The following PRKAG2 variants were observed in gnomAD, a reference collection of about 807,000 sequenced individuals.
The protein encoded by PRKAG2 is 5'-AMP-activated protein kinase subunit gamma-2.
In PRKAG2, 26 loss-of-function variants were observed where a neutral mutation model predicts 69.6. The observed-to-expected ratio is 0.37, with a 90% confidence interval of 0.27 to 0.52. The LOEUF is 0.52. Among genes scored for constraint, PRKAG2 ranks in the 20% least tolerant of loss-of-function variants. The pLI, the probability that PRKAG2 is intolerant of heterozygous loss-of-function variation, is 0.90. For synonymous variants in PRKAG2, 293 were observed against 285.0 expected (o/e 1.03, Z -0.28); for missense variants, 557 against 740.0 (o/e 0.75, Z 2.87).
At chr7:151,661,620 A>G (rs759950654) in intron 4 of PRKAG2, among the ~76,000 whole-genome samples, 7 of 152,216 alleles carry the variant, frequency 4.6e-5, no homozygotes, top group Non-Finnish European at 8.8e-5. Context: ...TGAGCAGCTG[A>G]CATTCTTACT....
At chr7:151,723,857 G>C (rs780516613) in intron 3 of PRKAG2, among the ~76,000 whole-genome samples, 27 of 152,182 alleles carry the variant, frequency 1.8e-4, no homozygotes, top group Non-Finnish European at 3.1e-4. Context: ...ACTCCGTTCA[G>C]CATGGGCCAC....
intron 3 of PRKAG2, among the ~76,000 whole-genome samples, chr7:151,677,613 C>T (rs944992435): frequency 2.6e-5 from 4 of 152,214 alleles, no homozygotes; most frequent in Admixed American, 2.6e-4. Context: ...CTAGAGCTGC[C>T]TCCTTAAATA....
intron 1 of PRKAG2, among the ~76,000 whole-genome samples, chr7:151,853,209 T>C (rs2079620763): frequency 6.6e-6 from 1 of 152,040 alleles, no homozygotes; most frequent in African/African-American, 2.4e-5. Flanking sequence ...TGCTGTCCCA[T>C]AGGCGCAGCA....
intron 3 of PRKAG2, among the ~76,000 whole-genome samples, chr7:151,740,380 T>C (rs917925048): frequency 1.3e-5 from 2 of 152,214 alleles, no homozygotes; most frequent in Non-Finnish European, 1.5e-5. Flanking sequence ...ACCCTCTCCT[T>C]CATCCTTCAG....
intron 14 of PRKAG2, among the ~76,000 whole-genome samples, chr7:151,561,658 C>T (rs1469451069): frequency 2.0e-5 from 3 of 152,160 alleles, no homozygotes; most frequent in Non-Finnish European, 2.9e-5. Flanking sequence ...GATGGCCGGG[C>T]GCGATGGCTC....
chr7:151,834,543 A>G (rs1405201054), intron 1 of PRKAG2, among the ~76,000 whole-genome samples: 1 of 152,236 alleles, frequency 6.6e-6, no homozygotes, highest in Admixed American at 6.5e-5. Flanking sequence ...TGCACCGCAC[A>G]GCGCACCCTC....
At chr7:151,837,113 G>A (rs1218180871) in intron 1 of PRKAG2, among the ~76,000 whole-genome samples, 3 of 152,346 alleles carry the variant, frequency 2.0e-5, no homozygotes, top group East Asian at 3.9e-4. Flanking sequence ...CACCGTACAG[G>A]AGCGGTGGGG....
intron 3 of PRKAG2, among the ~76,000 whole-genome samples, chr7:151,747,330 G>A (rs2074344067): frequency 6.6e-6 from 1 of 152,236 alleles, no homozygotes; most frequent in Admixed American, 6.5e-5. Flanking sequence ...GCCGAGGTGG[G>A]TGGATCACCT....
intron 5 of PRKAG2, among the ~76,000 whole-genome samples, chr7:151,602,403 C>T (rs1038758846): frequency 3.3e-5 from 5 of 152,022 alleles, no homozygotes; most frequent in African/African-American, 1.2e-4. Context: ...ACATATTATA[C>T]ATGTTAGTAT....
chr7:151,802,741 G>A (rs1232679540), intron 1 of PRKAG2, among the ~76,000 whole-genome samples: 1 of 151,946 alleles, frequency 6.6e-6, no homozygotes, highest in African/African-American at 2.4e-5. Flanking sequence ...CTGGCATTCA[G>A]TGCACCCCAG....
rs1208085683 is a variant in PRKAG2 at position 151,771,520 on chromosome 7, T to C, written c.466+9632A>G. On this transcript the variant is annotated intron_variant, in intron 3 of 15. Coordinates refer to ENST00000287878, the MANE Select transcript of PRKAG2 (RefSeq NM_016203.4). This position sits in a 1 kb window ranked among gnomAD's most constrained non-coding sequence, Gnocchi z 4.0. ...GAGGAATCATTTTGTATGCATGCAG[T>C]ACACACAATGCCATCTTTCCTAGAA... 6.6e-6 allele frequency among the ~76,000 whole-genome samples: 1 copy of C among 152,206 alleles called. No individual in the cohort carries two copies. The highest frequency in any genetic ancestry group is 2.4e-5 in the African/African-American group (1 of 41,448).
chr7:151,588,106 C>A (rs6464148), intron 6 of PRKAG2, among the ~76,000 whole-genome samples: 27,443 of 151,964 alleles, frequency 0.18, 2,890 homozygotes, highest in African/African-American at 0.28. Flanking sequence ...CCTAATGCTT[C>A]CCCCCACCAA....
intron 1 of PRKAG2, among the ~76,000 whole-genome samples, chr7:151,870,171 AGGCAGGCAGGCAGGCAGGCAGGCAGG>A (rs1307164878): frequency 8.6e-5 from 13 of 151,242 alleles, no homozygotes; most frequent in African/African-American, 3.2e-4. Context: ...GCAGGCAGGC[AGGCAGGCAGGCAGGCAGGCAGGCAGG>A]CAGACAGAGG....
intron 1 of PRKAG2, among the ~76,000 whole-genome samples, chr7:151,860,312 G>C (rs990720045): frequency 6.6e-6 from 1 of 152,182 alleles, no homozygotes; most frequent in Non-Finnish European, 1.5e-5. Flanking sequence ...TTGCAGCAGA[G>C]AGAACCAGAA....
intron 1 of PRKAG2, among the ~76,000 whole-genome samples, chr7:151,789,599 T>C (rs976120311): frequency 2.6e-5 from 4 of 152,210 alleles, no homozygotes; most frequent in African/African-American, 7.2e-5. Context: ...ACCTCAGCAA[T>C]GGCTTCCAGG....
intron 3 of PRKAG2, among the ~76,000 whole-genome samples, chr7:151,717,129 C>T (rs1426957790): frequency 1.3e-5 from 2 of 151,954 alleles, no homozygotes; most frequent in African/African-American, 2.4e-5. Flanking sequence ...TGCCTGTAAT[C>T]CCAGCTACTC....
chr7:151,808,966 C>T (rs1169860556), intron 1 of PRKAG2, among the ~76,000 whole-genome samples: 4 of 152,154 alleles, frequency 2.6e-5, no homozygotes, highest in Admixed American at 1.3e-4. Context: ...CTCTCCCGCG[C>T]TCCCCCTCCT....
At chr7:151,732,714 C>A (rs569925950) in intron 3 of PRKAG2, among the ~76,000 whole-genome samples, 1 of 152,056 alleles carries the variant, frequency 6.6e-6, no homozygotes, top group African/African-American at 2.4e-5. Flanking sequence ...TTCTTTGAGA[C>A]GGAGTCTCAC....
intron 1 of PRKAG2, among the ~76,000 whole-genome samples, chr7:151,838,861 A>G (rs2151883785): frequency 6.6e-6 from 1 of 152,018 alleles, no homozygotes; most frequent in Admixed American, 6.5e-5. Context: ...CTAAAAATAC[A>G]AAAATTAGCC....
Sources: allele counts gnomAD v4.1 joint callset (sites outside exome capture counted in the v4.1 genomes callset), GRCh38; gene constraint gnomAD v4.1.1; non-coding constraint Gnocchi (gnomAD v3.1); transcripts MANE v1.5; gene names NCBI Gene and HGNC (gene_info 2026-07-23, HGNC 2026-07-21).